CAMK2D: variants seen among roughly 807,000 people sequenced by gnomAD.
CAMK2D encodes the protein calcium/calmodulin-dependent protein kinase type II subunit delta.
Under a neutral mutation model 84.0 loss-of-function variants are expected in CAMK2D, and 37 were observed. That is an observed-to-expected ratio of 0.44 (90% CI 0.34 to 0.58). The LOEUF is 0.58. CAMK2D is among the 20% of genes least tolerant of loss of function. The pLI, the probability that CAMK2D is intolerant of heterozygous loss-of-function variation, is 0.02. For synonymous variants in CAMK2D, 202 were observed against 212.5 expected, an observed-to-expected ratio of 0.95 and a Z score of 0.43; for missense variants, 448 against 652.5, an observed-to-expected ratio of 0.69 and a Z score of 3.41.
At chr4:113,563,734 G>C (rs2098709418) in intron 4 of CAMK2D, among the ~76,000 whole-genome samples, 2 of 152,168 alleles carry the variant, frequency 1.3e-5, no homozygotes, top group African/African-American at 2.4e-5. Context: ...TGATCACCTG[G>C]AGACTATCTA....
rs775172747 is a variant in CAMK2D at position 113,513,265 on chromosome 4, A to C, written c.946+63T>G. 7 of 1,582,352 alleles carry C rather than the reference A, an allele frequency of 4.4e-6. No individual in the cohort carries two copies. The East Asian group carries it at 1.3e-4, about 30-fold the overall frequency. Reference sequence around the variant, plus strand: ...TAGATTTTTAAAATTCCAGAGACAAAAAAACAGAGACTACTTAAAAAGAAG... The same window carrying C: ...TAGATTTTTAAAATTCCAGAGACAACAAAACAGAGACTACTTAAAAAGAAG... On this transcript the variant is annotated intron_variant, in intron 12 of 20. Coordinates refer to ENST00000511664, the MANE Select transcript of CAMK2D (RefSeq NM_001321571.2).
chr4:113,725,587 T>C (rs1450546487), intron 2 of CAMK2D, among the ~76,000 whole-genome samples: 2 of 152,124 alleles, frequency 1.3e-5, no homozygotes, highest in African/African-American at 2.4e-5. Flanking sequence ...GCTAATAGGT[T>C]TAATCTGCTT....
intron 16 of CAMK2D, among the ~76,000 whole-genome samples, chr4:113,466,562 A>G (rs1464864095): frequency 6.6e-6 from 1 of 152,186 alleles, no homozygotes; most frequent in Non-Finnish European, 1.5e-5. Flanking sequence ...GGCCTTTAGT[A>G]AACTCTACAA....
At chr4:113,744,987 T>A (rs2099601059) in intron 2 of CAMK2D, among the ~76,000 whole-genome samples, 1 of 152,120 alleles carries the variant, frequency 6.6e-6, no homozygotes, top group African/African-American at 2.4e-5. Context: ...GAAAACTAAT[T>A]CTCCCCATGA....
rs1055441739 is a variant in CAMK2D at position 113,548,785 on chromosome 4, C to G, written c.342-1069G>C. The G allele has an allele frequency of 7.6e-6, 6 of 790,116 alleles. No homozygotes were observed. The African/African-American group carries it at 8.8e-5, about 12-fold the overall frequency. The allele number at this position is 790,116 out of a possible 1,614,324, so 48.9% of individuals were successfully genotyped here. A position where few individuals can be genotyped will look rare whatever the true frequency, so the allele number is the denominator to read the frequency against. On this transcript the variant is annotated intron_variant, in intron 5 of 20. Transcript: ENST00000511664. ...AGAACATTTTAAAGGCACATAATCACATTGAATATGAAATAAAATGAAAGT... is the reference window on the plus strand; with the variant it reads ...AGAACATTTTAAAGGCACATAATCAGATTGAATATGAAATAAAATGAAAGT...
At chr4:113,651,097 G>A (rs1175875287) in intron 3 of CAMK2D, among the ~76,000 whole-genome samples, 1 of 152,108 alleles carries the variant, frequency 6.6e-6, no homozygotes, top group African/African-American at 2.4e-5. Context: ...TCATTTCACA[G>A]GATATGTTAT....
At chr4:113,524,298 C>A (rs1320756298) in intron 8 of CAMK2D, among the ~76,000 whole-genome samples, 1 of 152,170 alleles carries the variant, frequency 6.6e-6, no homozygotes, top group African/African-American at 2.4e-5. Flanking sequence ...CTAATTTCCC[C>A]TTTCTCTCTA....
intron 3 of CAMK2D, among the ~76,000 whole-genome samples, chr4:113,660,556 A>AT (rs1343891458): frequency 6.6e-6 from 1 of 151,902 alleles, no homozygotes; most frequent in South Asian, 2.1e-4. Context: ...CATCCAGCTA[A>AT]TTTTTTTAAT....
chr4:113,746,463 G>T (rs1222625275), intron 2 of CAMK2D, among the ~76,000 whole-genome samples: 3 of 152,090 alleles, frequency 2.0e-5, no homozygotes, highest in African/African-American at 7.2e-5. Context: ...TGGACATTAT[G>T]ATTATCAGCA....
intron 2 of CAMK2D, among the ~76,000 whole-genome samples, chr4:113,681,845 T>C (rs1270036843): frequency 6.6e-6 from 1 of 152,090 alleles, no homozygotes; most frequent in Non-Finnish European, 1.5e-5. Flanking sequence ...CTGTTTTACA[T>C]ATGCCAGTAA....
intron 7 of CAMK2D, among the ~76,000 whole-genome samples, chr4:113,535,364 C>T (rs903333203): frequency 6.6e-6 from 1 of 152,142 alleles, no homozygotes; most frequent in Non-Finnish European, 1.5e-5. Context: ...CCCTAGTCAA[C>T]GCTATCATCA....
chr4:113,477,558 CA>C (rs1202578434), intron 16 of CAMK2D, among the ~76,000 whole-genome samples: 1 of 151,756 alleles, frequency 6.6e-6, no homozygotes, highest in African/African-American at 2.4e-5. Context: ...CCAGCCTGGC[CA>C]CCATGGTAAA....
Position 113,454,344 on chromosome 4 carries a change from T to C in CAMK2D, c.*201A>G, listed in dbSNP as rs2097279697. On this transcript the variant is annotated 3_prime_UTR_variant, in exon 21 of 21. Transcript: ENST00000511664. ...ATCCCCGTAGTTGAAGTGTAAACAATGTATAGGAAGGAATATATGATAAGA... is the reference window on the plus strand; with the variant it reads ...ATCCCCGTAGTTGAAGTGTAAACAACGTATAGGAAGGAATATATGATAAGA... 2.2e-6 allele frequency: 1 copy of C among 458,374 alleles called. No homozygotes were observed. The highest frequency in any genetic ancestry group is 4.0e-6 in the Non-Finnish European group (1 of 248,208). The allele number at this position is 458,374 out of a possible 1,614,324, so 28.4% of individuals were successfully genotyped here.
At chr4:113,637,155 C>G (rs1157577166) in intron 3 of CAMK2D, among the ~76,000 whole-genome samples, 1 of 152,052 alleles carries the variant, frequency 6.6e-6, no homozygotes, top group Non-Finnish European at 1.5e-5. Flanking sequence ...AGCCCCTGTT[C>G]CCAGAATAGA....
intron 2 of CAMK2D, among the ~76,000 whole-genome samples, chr4:113,738,225 A>C (rs2148883518): frequency 6.6e-6 from 1 of 151,650 alleles, no homozygotes; most frequent in South Asian, 2.1e-4. Flanking sequence ...AAAAAAAACT[A>C]CTGTGAGAAA....
chr4:113,686,245 A>C (rs887228726), intron 2 of CAMK2D, among the ~76,000 whole-genome samples: 2 of 152,222 alleles, frequency 1.3e-5, no homozygotes, highest in Admixed American at 6.5e-5. Context: ...ATTTATCTAC[A>C]TAGAAAGTTG....
intron 2 of CAMK2D, among the ~76,000 whole-genome samples, chr4:113,728,304 A>C (rs898717948): frequency 1.3e-5 from 2 of 152,108 alleles, no homozygotes; most frequent in Non-Finnish European, 2.9e-5. Flanking sequence ...AAATACTACT[A>C]CTCCTCAGCC....
In CAMK2D at chr4:113,451,218, GACC is replaced by G. The variant is rs1302623904; in HGVS notation, c.*3324_*3326del. 1 of 152,016 alleles carries G rather than the reference GACC, an allele frequency of 6.6e-6. No homozygotes were observed. The highest frequency in any genetic ancestry group is 2.4e-5 in the African/African-American group (1 of 41,382). The allele number at this position is 152,016 out of a possible 1,614,324, so 9.4% of individuals were successfully genotyped here. A position where few individuals can be genotyped will look rare whatever the true frequency, so the allele number is the denominator to read the frequency against. On this transcript the variant is annotated 3_prime_UTR_variant, in exon 21 of 21. Transcript: ENST00000511664. ...TCATTTTTCCTACATTCAGCTAGAT[GACC>G]ACTTCATTTGGTGTCTCTCAGCCTT...
chr4:113,605,790 T>C (rs1030100898), intron 4 of CAMK2D, among the ~76,000 whole-genome samples: 1 of 152,190 alleles, frequency 6.6e-6, no homozygotes, highest in African/African-American at 2.4e-5. Context: ...GAACCTGGAC[T>C]ACAGCCCCCA....
Sources: allele counts gnomAD v4.1 joint callset (sites outside exome capture counted in the v4.1 genomes callset), GRCh38; gene constraint gnomAD v4.1.1; transcripts MANE v1.5; gene names NCBI Gene and HGNC (gene_info 2026-07-23, HGNC 2026-07-21).